SLC30A6: variants seen among roughly 807,000 people sequenced by gnomAD.
The protein encoded by SLC30A6 is solute carrier family 30 member 6.
In SLC30A6, 55 loss-of-function variants were observed where a neutral mutation model predicts 63.0. That is an observed-to-expected ratio of 0.87 (90% CI 0.70 to 1.09). The LOEUF is 1.09. Ranked by LOEUF, SLC30A6 falls within the 50% of genes least tolerant of loss-of-function variation. The pLI is 0.00. For missense variants in SLC30A6, 587 were observed against 549.2 expected, an observed-to-expected ratio of 1.07 and a Z score of -0.69; for synonymous variants, 224 against 186.1, an observed-to-expected ratio of 1.20 and a Z score of -1.66.
rs1293282183 is a variant in SLC30A6, at chr2:32,223,815, AG to A, written c.*3105del. ...GAAGTGTTGGAAAAAAGATTAGGGCAGGGTACCCTTAGTTTATATAGGGTAC... is the reference window on the plus strand; with the variant it reads ...GAAGTGTTGGAAAAAAGATTAGGGCAGGTACCCTTAGTTTATATAGGGTAC... On this transcript the variant is annotated 3_prime_UTR_variant, in exon 14 of 14. Coordinates refer to ENST00000282587, the MANE Select transcript of SLC30A6 (RefSeq NM_017964.5). The A allele has an allele frequency of 1.3e-5, 2 of 152,212 alleles. No individual in the cohort carries two copies. The highest frequency in any genetic ancestry group is 2.9e-5 in the Non-Finnish European group (2 of 68,024). 9.4% of individuals were successfully genotyped at this position (152,212 alleles called of 1,614,324 possible). A position where few individuals can be genotyped will look rare whatever the true frequency, so the allele number is the denominator to read the frequency against.
intron 1 of SLC30A6, among the ~76,000 whole-genome samples, chr2:32,168,071 AC>A (rs1311151411): frequency 6.6e-6 from 1 of 152,216 alleles, no homozygotes; most frequent in African/African-American, 2.4e-5. Context: ...AACTTATGGC[AC>A]TATATCTTTA....
At chr2:32,171,464 T>C (rs1433097625) in intron 2 of SLC30A6, 91 bp downstream of exon 2, 12 of 917,086 alleles carry the variant, frequency 1.3e-5, no homozygotes, top group Non-Finnish European at 2.1e-5. Context: ...TAGAAATCAC[T>C]CCTGATCCTG....
At chr2:32,202,241 T>TA (rs1558410570) in intron 10 of SLC30A6, 1 of 762,834 alleles carries the variant, frequency 1.3e-6, no homozygotes, top group Non-Finnish European at 2.0e-6. Flanking sequence ...AAAGATTTAA[T>TA]AGCTCAAGCA....
intron 4 of SLC30A6, among the ~76,000 whole-genome samples, chr2:32,176,919 T>C (rs986954445): frequency 6.6e-6 from 1 of 151,824 alleles, no homozygotes; most frequent in African/African-American, 2.4e-5. Context: ...AATACAGACA[T>C]GCACCACCAC....
chr2:32,213,886 C>G (rs994043355), intron 13 of SLC30A6, among the ~76,000 whole-genome samples: 2 of 149,196 alleles, frequency 1.3e-5, no homozygotes, highest in African/African-American at 5.0e-5. Flanking sequence ...TCACTGCAAC[C>G]TCCGCCTCCT....
At chr2:32,175,738 G>A (rs1681678090) in intron 4 of SLC30A6, among the ~76,000 whole-genome samples, 2 of 152,178 alleles carry the variant, frequency 1.3e-5, no homozygotes, top group African/African-American at 2.4e-5. Flanking sequence ...CACTTTGGGA[G>A]GCCGAGGCGG....
chr2:32,203,869 G>T, intron 10 of SLC30A6: 1 of 1,120,912 alleles, frequency 8.9e-7, no homozygotes, highest in East Asian at 2.3e-5. Context: ...GGGCCGATCA[G>T]GTGGTCGATC....
At position 32,192,971 on chromosome 2, in the gene SLC30A6, A is replaced by G; in HGVS notation, c.401+18A>G. ...ATACACACGTGAGATTTTATTTTCA[A>G]TATATAATTTACTATTGATTCTTAA... On this transcript the variant is annotated intron_variant, in intron 7 of 13. Coordinates refer to ENST00000282587, the MANE Select transcript of SLC30A6 (RefSeq NM_017964.5). The G allele has an allele frequency of 6.8e-7, 1 of 1,465,420 alleles. No homozygotes were observed. The highest frequency in any genetic ancestry group is 9.3e-7 in the Non-Finnish European group (1 of 1,071,992). 90.8% of individuals were successfully genotyped at this position (1,465,420 alleles called of 1,614,324 possible). A position where few individuals can be genotyped will look rare whatever the true frequency, so the allele number is the denominator to read the frequency against.
chr2:32,215,031 T>C (rs546828857), intron 13 of SLC30A6, among the ~76,000 whole-genome samples: 2 of 152,332 alleles, frequency 1.3e-5, no homozygotes, highest in African/African-American at 4.8e-5. Flanking sequence ...TCTTACTATT[T>C]TTCTGTATTT....
rs1573459670 is a variant in SLC30A6 at position 32,224,108 on chromosome 2, T to C, written c.*3395T>C. The C allele has an allele frequency of 1.2e-5, 2 of 163,090 alleles. 1 individual carries two copies. Among genetic ancestry groups the C allele is most frequent in the South Asian group, 3.9e-4 (2 of 5,172 alleles). The allele number at this position is 163,090 out of a possible 1,614,324, so 10.1% of individuals were successfully genotyped here. A position where few individuals can be genotyped will look rare whatever the true frequency, so the allele number is the denominator to read the frequency against. Reference sequence around the variant, plus strand: ...AACATATATGGAGTTTCCTCTCTGGTTTTAAATAATCTTTCTTTATTCAGT... The same window carrying C: ...AACATATATGGAGTTTCCTCTCTGGCTTTAAATAATCTTTCTTTATTCAGT... On this transcript the variant is annotated 3_prime_UTR_variant, in exon 14 of 14. Coordinates refer to ENST00000282587, the MANE Select transcript of SLC30A6 (RefSeq NM_017964.5).
In SLC30A6 at chr2:32,192,988, G is replaced by A. The variant is rs140256547; in HGVS notation, c.401+35G>A. The A allele has an allele frequency of 1.8e-3, 2,347 of 1,280,568 alleles. 38 individuals carry two copies. The African/African-American group carries it at 0.028, about 16-fold the overall frequency. The allele number at this position is 1,280,568 out of a possible 1,614,324, so 79.3% of individuals were successfully genotyped here. ...TATTTTCAATATATAATTTACTATT[G>A]ATTCTTAATTATTAATTGATGTATT... On this transcript the variant is annotated intron_variant, in intron 7 of 13. Coordinates refer to ENST00000282587, the MANE Select transcript of SLC30A6 (RefSeq NM_017964.5).
chr2:32,187,545 T>C (rs534409740), intron 5 of SLC30A6, among the ~76,000 whole-genome samples: 8 of 152,136 alleles, frequency 5.3e-5, no homozygotes, highest in Non-Finnish European at 1.2e-4. Flanking sequence ...CTCAAATATA[T>C]TTGCAATCGA....
chr2:32,171,221 CAT>C (rs1681171821), intron 1 of SLC30A6, 64 bp from the exon 2 acceptor site: 1 of 1,328,822 alleles, frequency 7.5e-7, no homozygotes, highest in Admixed American at 1.7e-5. Context: ...ACCACTATAT[CAT>C]ATCATAGGAA....
In SLC30A6 at chr2:32,220,620, A is replaced by G. The variant is rs781658880; in HGVS notation, c.1293A>G (p.Pro431=). The change falls in exon 14 of 14, where the codon CCA becomes CCG. Residue 431 remains proline (P), a synonymous_variant. Coordinates refer to ENST00000282587, the MANE Select transcript of SLC30A6 (RefSeq NM_017964.5). The part of the protein sequence containing the change: ...SSMLNQGLGV[P]GIGATQGLRT... ...TGCTTAATCAAGGACTTGGAGTTCC[A>G]GGAATTGGAGCAACTCAAGGATTGA... 6.2e-6 allele frequency: 10 copies of G among 1,614,070 alleles called. No homozygotes were observed. In the African/African-American group the frequency reaches 1.3e-4, roughly 22 times the overall value.
intron 8 of SLC30A6, 105 bp from the exon 9 acceptor site, chr2:32,197,239 T>C (rs1324445726): frequency 9.4e-6 from 9 of 961,256 alleles, no homozygotes; most frequent in African/African-American, 3.3e-5. Flanking sequence ...TGTAATGTTA[T>C]TCAGTCACTG....
Position 32,204,625 on chromosome 2 carries a change from C to G in SLC30A6, c.701C>G (p.Ala234Gly), listed in dbSNP as rs1684583236. The G allele has an allele frequency of 6.2e-7, 1 of 1,612,382 alleles. No homozygotes were observed. The highest frequency in any genetic ancestry group is 8.5e-7 in the Non-Finnish European group (1 of 1,179,062). Reference protein sequence around the residue: ...YFAVDTASAIAIALMTFGTMY... With the variant: ...YFAVDTASAIGIALMTFGTMY... ...GCCGTAGACACTGCCTCTGCTATAG[C>G]TATTGCCTTGATGACATTTGGCACT... Residue 234 changes from alanine (A) to glycine (G), a missense_variant, in exon 11 of 14, where the codon GCT becomes GGT. Coordinates refer to ENST00000282587, the MANE Select transcript of SLC30A6 (RefSeq NM_017964.5).
At position 32,193,950 on chromosome 2, in the gene SLC30A6, A is replaced by G. The variant is rs1363957974; in HGVS notation, c.463A>G (p.Ile155Val). ...TTTCAACCTGTTCACGATGCTTTCT[A>G]TTCGGAATAAACCTTTTGCTTATGT... ...LCFNLFTMLS[I>V]RNKPFAYVSE... is the part of the protein sequence containing the mutation. Residue 155 changes from isoleucine to valine, a missense_variant, in exon 8 of 14, where the codon ATT becomes GTT. Coordinates refer to ENST00000282587, the MANE Select transcript of SLC30A6 (RefSeq NM_017964.5). 2.5e-6 allele frequency: 4 copies of G among 1,613,410 alleles called. No homozygotes were observed. The highest frequency in any genetic ancestry group is 2.7e-5 in the African/African-American group (2 of 74,892).
chr2:32,189,293 T>C (rs1312625045), intron 5 of SLC30A6, among the ~76,000 whole-genome samples: 1 of 147,622 alleles, frequency 6.8e-6, no homozygotes, highest in Non-Finnish European at 1.5e-5. Flanking sequence ...TTTTTTTTTT[T>C]TTTTTTTCTT....
chr2:32,210,868 G>C (rs1685201118), intron 13 of SLC30A6, among the ~76,000 whole-genome samples: 1 of 152,122 alleles, frequency 6.6e-6, no homozygotes, highest in African/African-American at 2.4e-5. Flanking sequence ...ACTTGAGACT[G>C]TAACATCCCC....
Sources: allele counts gnomAD v4.1 joint callset (sites outside exome capture counted in the v4.1 genomes callset), GRCh38; gene constraint gnomAD v4.1.1; transcripts MANE v1.5; gene names NCBI Gene and HGNC (gene_info 2026-07-23, HGNC 2026-07-21).